The following THSD7B variants were observed in gnomAD, a reference collection of about 807,000 sequenced individuals.
THSD7B encodes thrombospondin type-1 domain-containing protein 7B.
THSD7B carries 138 observed loss-of-function variants against 213.6 expected under a neutral mutation model. The ratio of observed to expected loss-of-function variants is 0.65; its 90% CI spans 0.56 to 0.74. The LOEUF is 0.74. Ranked by LOEUF, THSD7B falls within the 30% of genes least tolerant of loss-of-function variation. The pLI, the probability that THSD7B is intolerant of heterozygous loss-of-function variation, is 0.00. For synonymous variants in THSD7B, 742 were observed against 687.0 expected (o/e 1.08, Z -1.25); for missense variants, 1,931 against 1,991.5 (o/e 0.97, Z 0.58).
At chr2:137,633,787 A>G (rs1308954352) in intron 20 of THSD7B, among the ~76,000 whole-genome samples, 2 of 152,138 alleles carry the variant, frequency 1.3e-5, no homozygotes, top group South Asian at 2.1e-4. Context: ...AAAGCTAAGC[A>G]AGAACATATG....
At chr2:137,426,055 G>T (rs980666017) in intron 14 of THSD7B, among the ~76,000 whole-genome samples, 1 of 151,984 alleles carries the variant, frequency 6.6e-6, no homozygotes, top group African/African-American at 2.4e-5. Flanking sequence ...GTCCAATAAA[G>T]AGATTAAGAA....
chr2:137,158,969 T>C (rs1243023264), intron 5 of THSD7B, among the ~76,000 whole-genome samples: 3 of 152,212 alleles, frequency 2.0e-5, no homozygotes, highest in African/African-American at 7.2e-5. Context: ...TCCAAAGCCT[T>C]CCTAGTTTAG....
chr2:137,098,202 G>A (rs913136033), intron 4 of THSD7B, among the ~76,000 whole-genome samples: 1 of 152,150 alleles, frequency 6.6e-6, no homozygotes, highest in African/African-American at 2.4e-5. Flanking sequence ...GTAAATGCAT[G>A]CCTATTTGAT....
chr2:137,038,678 A>G (rs10207458), intron 2 of THSD7B, among the ~76,000 whole-genome samples: 88,429 of 152,178 alleles, frequency 0.58, 29,667 homozygotes, highest in Non-Finnish European at 0.73. Flanking sequence ...GAATCCTACT[A>G]CTTCTAGAGA....
chr2:137,212,451 C>G (rs1681134797), intron 7 of THSD7B, among the ~76,000 whole-genome samples: 1 of 151,956 alleles, frequency 6.6e-6, no homozygotes, highest in South Asian at 2.1e-4. Context: ...TTATTCAAAG[C>G]CTAATTTGAT....
intron 2 of THSD7B, among the ~76,000 whole-genome samples, chr2:136,977,661 C>T (rs1224644333): frequency 6.6e-6 from 1 of 152,056 alleles, no homozygotes; most frequent in Non-Finnish European, 1.5e-5. Context: ...AGTTTGTTGT[C>T]TCTTTGTTCT....
chr2:136,781,554 G>A (rs1216161100), intron 1 of THSD7B, among the ~76,000 whole-genome samples: 2 of 151,886 alleles, frequency 1.3e-5, no homozygotes, highest in African/African-American at 4.8e-5. Flanking sequence ...TTACAGGTGT[G>A]AGCCACTGTG....
chr2:137,483,881 G>C (rs1427612856), intron 15 of THSD7B, among the ~76,000 whole-genome samples: 1 of 152,128 alleles, frequency 6.6e-6, no homozygotes, highest in Non-Finnish European at 1.5e-5. Flanking sequence ...ACTTGAGGGA[G>C]CGAGACCTAA....
chr2:137,312,448 A>C lies in THSD7B; in HGVS notation c.2500+36422A>C, dbSNP rs1202512492. The stretch of plus-strand genomic sequence containing the variant: ...GTCTATCAATTTTGTTGATCCTTTC[A>C]AAAAACCAGCTCCTGGATTCGTTAA... On this transcript the variant is annotated intron_variant, in intron 12 of 27. Coordinates refer to ENST00000409968, the MANE Select transcript of THSD7B (RefSeq NM_001316349.2). Among the ~76,000 whole-genome samples the C allele has an allele frequency of 3.7e-4, 55 of 147,186 alleles. No individual in the cohort carries two copies. The South Asian group carries it at 5.2e-3, about 14-fold the overall frequency.
chr2:137,641,605 G>A (rs1382662356), intron 20 of THSD7B, among the ~76,000 whole-genome samples: 1 of 152,198 alleles, frequency 6.6e-6, no homozygotes, highest in African/African-American at 2.4e-5. Context: ...GAGTGAAAGA[G>A]TACAAGAGAA....
At position 137,677,269 on chromosome 2, in the gene THSD7B, G is replaced by C. The variant is rs1447049753; in HGVS notation, c.*664G>C. ...TAATTGCTGGACTAGATGAAAGCTA[G>C]GTCATTTCTGAAGGGAATGTGTACT... On this transcript the variant is annotated 3_prime_UTR_variant, in exon 28 of 28. Coordinates refer to ENST00000409968, the MANE Select transcript of THSD7B (RefSeq NM_001316349.2). The C allele has an allele frequency of 6.6e-6, 1 of 152,604 alleles. No homozygotes were observed. Among genetic ancestry groups the C allele is most frequent in the Non-Finnish European group, 1.5e-5 (1 of 68,038 alleles). The allele number at this position is 152,604 out of a possible 1,614,324, so 9.5% of individuals were successfully genotyped here.
intron 6 of THSD7B, among the ~76,000 whole-genome samples, chr2:137,162,870 C>G (rs1680046109): frequency 1.3e-5 from 2 of 152,108 alleles, no homozygotes; most frequent in African/African-American, 4.8e-5. Context: ...AGCAATTCTC[C>G]TGCCTCAGCC....
intron 7 of THSD7B, among the ~76,000 whole-genome samples, chr2:137,206,294 G>A (rs902086124): frequency 1.3e-5 from 2 of 152,002 alleles, no homozygotes; most frequent in African/African-American, 2.4e-5. Flanking sequence ...TTGCCTAAAG[G>A]CATGCATCTA....
chr2:136,797,831 T>TAG (rs1682101761), intron 1 of THSD7B, among the ~76,000 whole-genome samples: 1 of 151,992 alleles, frequency 6.6e-6, no homozygotes, highest in African/African-American at 2.4e-5. Flanking sequence ...TGCAAATACT[T>TAG]ACAGTTATTT....
chr2:137,068,667 C>A (rs1006706333), intron 3 of THSD7B, among the ~76,000 whole-genome samples: 5 of 152,056 alleles, frequency 3.3e-5, no homozygotes, highest in African/African-American at 7.2e-5. Flanking sequence ...CTAGGATGAA[C>A]TATAGGTTTC....
At chr2:137,201,932 C>CTCAA (rs1680883567) in intron 7 of THSD7B, among the ~76,000 whole-genome samples, 1 of 152,180 alleles carries the variant, frequency 6.6e-6, no homozygotes, top group Non-Finnish European at 1.5e-5. Flanking sequence ...GATGCTCCTG[C>CTCAA]TCAAGGCTTT....
chr2:137,132,932 C>G (rs1688768487), intron 5 of THSD7B, among the ~76,000 whole-genome samples: 1 of 152,102 alleles, frequency 6.6e-6, no homozygotes, highest in African/African-American at 2.4e-5. Context: ...GTAAAGACAG[C>G]CACACTGTAC....
At chr2:137,062,355 A>G (rs1465984321) in intron 3 of THSD7B, among the ~76,000 whole-genome samples, 2 of 149,772 alleles carry the variant, frequency 1.3e-5, no homozygotes, top group Non-Finnish European at 3.0e-5. Flanking sequence ...TGATTTTATT[A>G]TTTCTTTTCT....
At chr2:136,783,997 ATAG>A (rs1257595514) in intron 1 of THSD7B, among the ~76,000 whole-genome samples, 5 of 152,240 alleles carry the variant, frequency 3.3e-5, no homozygotes, top group Non-Finnish European at 5.9e-5. Flanking sequence ...AGTGTGAAGC[ATAG>A]GCCACATAGA....
Sources: allele counts gnomAD v4.1 joint callset (sites outside exome capture counted in the v4.1 genomes callset), GRCh38; gene constraint gnomAD v4.1.1; transcripts MANE v1.5; gene names NCBI Gene and HGNC (gene_info 2026-07-23, HGNC 2026-07-21).